GSTZ1: variants seen among roughly 807,000 people sequenced by gnomAD.
GSTZ1 encodes glutathione S-transferase zeta 1.
In GSTZ1, 34 loss-of-function variants were observed where a neutral mutation model predicts 35.9. The ratio of observed to expected loss-of-function variants is 0.95; its 90% confidence interval spans 0.72 to 1.26. The LOEUF (loss-of-function observed/expected upper bound fraction) is 1.26, where lower values mean the gene tolerates loss of function less well. GSTZ1 is among the 50% of genes most tolerant of loss of function. The pLI is 0.00. For missense variants in GSTZ1, 263 were observed against 271.7 expected, an observed-to-expected ratio of 0.97 and a Z score of 0.23; for synonymous variants, 93 against 101.2, an observed-to-expected ratio of 0.92 and a Z score of 0.49.
rs1247774547 is a variant in GSTZ1 at position 77,327,909 on chromosome 14, C to T, written c.217-3C>T. ...CCCTGCCTCACTGCTCCCCTCTGGA[C>T]AGCTGGCCATCATTGAGTATCTAGA... On this transcript the variant is annotated splice_region_variant and splice_polypyrimidine_tract_variant and intron_variant, in intron 4 of 8. Coordinates refer to ENST00000216465, the MANE Select transcript of GSTZ1 (RefSeq NM_145870.3). 10 of 1,613,866 alleles carry T rather than the reference C, an allele frequency of 6.2e-6. No homozygotes were observed. Among genetic ancestry groups the T allele is most frequent in the Non-Finnish European group, 7.6e-6 (9 of 1,179,924 alleles).
chr14:77,330,356 A>C lies in GSTZ1; in HGVS notation c.521A>C (p.Glu174Ala). Residue 174 changes from glutamate to alanine, a missense_variant, in exon 8 of 9, where the codon GAA becomes GCA. Coordinates refer to ENST00000216465, the MANE Select transcript of GSTZ1 (RefSeq NM_145870.3). ...TTGGTGCCTCAGGTGGCAAATGCTG[A>C]AAGGTAAGAGAGAGCCCCGCCACCC... ...LCLVPQVANAERFKVDLTPYP... is the reference protein window; with the variant it reads ...LCLVPQVANAARFKVDLTPYP... The C allele has an allele frequency of 6.2e-7, 1 of 1,612,634 alleles. No homozygotes were observed. The highest frequency in any genetic ancestry group is 8.5e-7 in the Non-Finnish European group (1 of 1,178,714).
intron 4 of GSTZ1, 176 bp from the exon 5 acceptor site, chr14:77,327,735 AC>A (rs1892402609): frequency 1.4e-6 from 1 of 731,206 alleles, no homozygotes; most frequent in African/African-American, 1.8e-5. Context: ...CACATGGAGA[AC>A]CAAGTTCTGC....
At position 77,321,054 on chromosome 14, in the gene GSTZ1, T is replaced by G; in HGVS notation, c.-115T>G. ...GATCTTTCTAGTCCAGCCCCTCGCT[T>G]TACCCGGACGAAAGACACGGGCCTG... On this transcript the variant is annotated 5_prime_UTR_variant, in exon 1 of 9. Transcript: ENST00000216465. 1 of 1,169,878 alleles carries G rather than the reference T, an allele frequency of 8.5e-7. No homozygotes were observed. 72.5% of individuals were successfully genotyped at this position (1,169,878 alleles called of 1,614,324 possible). A position where few individuals can be genotyped will look rare whatever the true frequency, so the allele number is the denominator to read the frequency against.
Position 77,321,125 on chromosome 14 carries a change from G to A in GSTZ1, c.-44G>A. Reference sequence around the variant, plus strand: ...CCTTAGTCGTCGGCAGGTCCCAGGCGCGAAGTTTCTCGGCCTGGAGGAGGG... The same window carrying A: ...CCTTAGTCGTCGGCAGGTCCCAGGCACGAAGTTTCTCGGCCTGGAGGAGGG... On this transcript the variant is annotated 5_prime_UTR_variant, in exon 1 of 9. Coordinates refer to ENST00000216465, the MANE Select transcript of GSTZ1 (RefSeq NM_145870.3). The A allele has an allele frequency of 1.4e-6, 2 of 1,443,006 alleles. No homozygotes were observed. Among genetic ancestry groups the A allele is most frequent in the Non-Finnish European group, 1.8e-6 (2 of 1,092,948 alleles). The allele number at this position is 1,443,006 out of a possible 1,614,324, so 89.4% of individuals were successfully genotyped here. A position where few individuals can be genotyped will look rare whatever the true frequency, so the allele number is the denominator to read the frequency against.
intron 1 of GSTZ1, chr14:77,322,928 G>A (rs1892104787): frequency 6.5e-6 from 1 of 152,892 alleles, no homozygotes; most frequent in South Asian, 2.1e-4. Flanking sequence ...TAGTCAGAGG[G>A]GTAGTAAACA....
Position 77,321,505 on chromosome 14 carries a change from G to A in GSTZ1, c.15+322G>A, listed in dbSNP as rs536173833. On this transcript the variant is annotated intron_variant, in intron 1 of 8. Coordinates refer to ENST00000216465, the MANE Select transcript of GSTZ1 (RefSeq NM_145870.3). Reference sequence around the variant, plus strand: ...CCCTCCACTAAGGCTTCCAAACGTCGCCCCAAGCCTCCCAATTTCTCGCAG... The same window carrying A: ...CCCTCCACTAAGGCTTCCAAACGTCACCCCAAGCCTCCCAATTTCTCGCAG... The A allele has an allele frequency of 1.8e-3, 2,436 of 1,373,420 alleles. 4 individuals are homozygous for A. Among genetic ancestry groups the A allele is most frequent in the Non-Finnish European group, 2.1e-3 (2,207 of 1,055,328 alleles). The allele number at this position is 1,373,420 out of a possible 1,614,324, so 85.1% of individuals were successfully genotyped here.
At chr14:77,329,321 G>A in intron 6 of GSTZ1, 120 bp downstream of exon 6, 3 of 748,926 alleles carry the variant, frequency 4.0e-6, no homozygotes. Context: ...CAGTTGCATG[G>A]ATGAGGGCAG....
chr14:77,321,300 G>T, intron 1 of GSTZ1, 117 bp downstream of exon 1: 1 of 1,528,058 alleles, frequency 6.5e-7, no homozygotes, highest in Non-Finnish European at 8.8e-7. Flanking sequence ...CCGGCATGCA[G>T]TGCTTTGCGC....
Position 77,325,923 on chromosome 14 carries a change from G to C in GSTZ1, c.68-915G>C, listed in dbSNP as rs934176965. 3.3e-5 allele frequency: 5 copies of C among 152,284 alleles called. No homozygotes were observed. The East Asian group carries it at 7.7e-4, about 23-fold the overall frequency. The allele number at this position is 152,284 out of a possible 1,614,324, so 9.4% of individuals were successfully genotyped here. On this transcript the variant is annotated intron_variant, in intron 2 of 8. Coordinates refer to ENST00000216465, the MANE Select transcript of GSTZ1 (RefSeq NM_145870.3). ...CTGTCTGTACGGCCTGTGTGCTTTGGCCTTCCCTCCTCCAGGTGTCTCCTC... is the reference window on the plus strand; with the variant it reads ...CTGTCTGTACGGCCTGTGTGCTTTGCCCTTCCCTCCTCCAGGTGTCTCCTC...
chr14:77,329,909 G>T, intron 7 of GSTZ1, 102 bp downstream of exon 7: 1 of 876,578 alleles, frequency 1.1e-6, no homozygotes. Flanking sequence ...TCTGCAGGGG[G>T]ATCTCTGTGC....
intron 2 of GSTZ1, chr14:77,325,146 G>A (rs1016759857): frequency 2.0e-5 from 11 of 558,932 alleles, no homozygotes; most frequent in African/African-American, 1.5e-4. Flanking sequence ...TTTCCCTTGG[G>A]ACTGACACTT....
chr14:77,327,355 C>T, intron 3 of GSTZ1, 117 bp from the exon 4 acceptor site: 1 of 703,464 alleles, frequency 1.4e-6, no homozygotes, highest in Admixed American at 2.1e-5. Flanking sequence ...GATTTAGGGC[C>T]TTCCCAGGGA....
intron 4 of GSTZ1, 55 bp downstream of exon 4, chr14:77,327,607 C>T (rs894521919): frequency 1.3e-5 from 15 of 1,148,752 alleles, no homozygotes; most frequent in Admixed American, 3.8e-5. Flanking sequence ...TGAATGAGAG[C>T]GCCTGACATC....
chr14:77,321,272 C>T (rs1473281322), intron 1 of GSTZ1, 89 bp downstream of exon 1: 46 of 1,524,550 alleles, frequency 3.0e-5, no homozygotes, highest in Non-Finnish European at 4.0e-5. Context: ...CACCGCCCGC[C>T]CAGGCCGACA....
At chr14:77,329,973 C>T (rs1892534201) in intron 7 of GSTZ1, 166 bp downstream of exon 7, 2 of 659,910 alleles carry the variant, frequency 3.0e-6, no homozygotes, top group East Asian at 2.7e-5. Flanking sequence ...GGGAGTTACT[C>T]AAGGTAGAAG....
chr14:77,330,191 G>C, intron 7 of GSTZ1, 119 bp from the exon 8 acceptor site: 1 of 813,502 alleles, frequency 1.2e-6, no homozygotes, highest in Non-Finnish European at 2.2e-6. Context: ...GAGGTGGGAT[G>C]GGTGAAAGAG....
chr14:77,329,606 G>C (rs1892508441), intron 6 of GSTZ1, 149 bp from the exon 7 acceptor site: 1 of 688,778 alleles, frequency 1.5e-6, no homozygotes, highest in South Asian at 1.7e-5. Context: ...CAGCTCTCTC[G>C]AGACCTGGCT....
chr14:77,327,373 T>C, intron 3 of GSTZ1, 99 bp from the exon 4 acceptor site: 1 of 731,552 alleles, frequency 1.4e-6, no homozygotes, highest in Non-Finnish European at 2.5e-6. Flanking sequence ...GGAAGGGAGA[T>C]GGGGGTGGGT....
At chr14:77,322,455 A>C (rs1012525109) in intron 1 of GSTZ1, 1 of 270,052 alleles carries the variant, frequency 3.7e-6, no homozygotes, top group Non-Finnish European at 5.7e-6. Flanking sequence ...CACTCGTAGT[A>C]CAGATCCAAA....
Sources: allele counts gnomAD v4.1 joint callset, GRCh38; gene constraint gnomAD v4.1.1; transcripts MANE v1.5; gene names NCBI Gene and HGNC (gene_info 2026-07-23, HGNC 2026-07-21).